The following KCNIP4 variants were observed in gnomAD, a reference collection of about 807,000 sequenced individuals.
KCNIP4 encodes potassium voltage-gated channel interacting protein 4.
A neutral mutation model predicts 34.0 loss-of-function variants in KCNIP4; 12 were observed. The ratio of observed to expected loss-of-function variants is 0.35; its 90% confidence interval spans 0.23 to 0.57. KCNIP4 has a LOEUF of 0.57. Ranked by LOEUF, KCNIP4 falls within the 20% of genes least tolerant of loss-of-function variation. The pLI is 0.83. For missense variants in KCNIP4, 238 were observed against 311.7 expected, an observed-to-expected ratio of 0.76 and a Z score of 1.78; for synonymous variants, 124 against 102.2, an observed-to-expected ratio of 1.21 and a Z score of -1.29.
intron 1 of KCNIP4, among the ~76,000 whole-genome samples, chr4:21,926,652 T>C (rs1468552240): frequency 6.6e-6 from 1 of 152,168 alleles, no homozygotes; most frequent in Admixed American, 6.6e-5. Flanking sequence ...TGTCTTCCTA[T>C]AAGTCGAGCT....
intron 1 of KCNIP4, among the ~76,000 whole-genome samples, chr4:20,897,561 G>T (rs1451747233): frequency 6.6e-6 from 1 of 151,164 alleles, no homozygotes; most frequent in African/African-American, 2.4e-5. Flanking sequence ...CAGTACTTCA[G>T]ATTATATTTG....
intron 1 of KCNIP4, among the ~76,000 whole-genome samples, chr4:21,222,697 T>C (rs973718183): frequency 1.3e-5 from 2 of 152,206 alleles, no homozygotes; most frequent in Admixed American, 1.3e-4. Flanking sequence ...TTTCAATTTG[T>C]AATTTTATCC....
chr4:21,938,889 CT>C (rs1243231166), intron 1 of KCNIP4, among the ~76,000 whole-genome samples: 1 of 152,104 alleles, frequency 6.6e-6, no homozygotes, highest in African/African-American at 2.4e-5. Context: ...TATTCTGAAA[CT>C]TTTACTAGCA....
intron 1 of KCNIP4, among the ~76,000 whole-genome samples, chr4:21,857,459 G>C (rs1724829262): frequency 6.6e-6 from 1 of 152,038 alleles, no homozygotes; most frequent in Admixed American, 6.6e-5. Flanking sequence ...GAGCTGAGAA[G>C]ATGATGGAAT....
chr4:21,330,701 A>G (rs540274145), intron 1 of KCNIP4, among the ~76,000 whole-genome samples: 1 of 152,308 alleles, frequency 6.6e-6, no homozygotes, highest in African/African-American at 2.4e-5. Flanking sequence ...TAAGGAGCTT[A>G]ACTTCCTCTT....
chr4:21,450,354 A>G (rs1728414931), intron 1 of KCNIP4, among the ~76,000 whole-genome samples: 1 of 152,186 alleles, frequency 6.6e-6, no homozygotes. Flanking sequence ...ATTTATGTAA[A>G]GAGAGATGGG....
At chr4:20,939,514 C>T (rs1731418529) in intron 1 of KCNIP4, among the ~76,000 whole-genome samples, 1 of 152,084 alleles carries the variant, frequency 6.6e-6, no homozygotes, top group South Asian at 2.1e-4. Flanking sequence ...TCTGGGATTA[C>T]AGGCATATAC....
chr4:21,180,661 G>C, intron 1 of KCNIP4, among the ~76,000 whole-genome samples: 1 of 148,056 alleles, frequency 6.8e-6, no homozygotes, highest in East Asian at 2.0e-4. Context: ...ATGTTTATAT[G>C]TGTGTGTGTG....
intron 1 of KCNIP4, among the ~76,000 whole-genome samples, chr4:21,669,466 G>A (rs1305021046): frequency 6.6e-6 from 1 of 152,124 alleles, no homozygotes; most frequent in Non-Finnish European, 1.5e-5. Flanking sequence ...TACAATACAT[G>A]TAACATATAA....
chr4:21,519,616 G>A (rs199521771), intron 1 of KCNIP4, among the ~76,000 whole-genome samples: 1 of 114,354 alleles, frequency 8.7e-6, no homozygotes, highest in Admixed American at 8.1e-5. Context: ...ATATGTGTGT[G>A]TATGTATGTG....
chr4:21,853,510 C>A (rs1014139409), intron 1 of KCNIP4, among the ~76,000 whole-genome samples: 1 of 152,064 alleles, frequency 6.6e-6, no homozygotes, highest in Non-Finnish European at 1.5e-5. Flanking sequence ...ATCAGTGTTT[C>A]CATGATCATT....
intron 1 of KCNIP4, among the ~76,000 whole-genome samples, chr4:21,377,621 T>C (rs1258383650): frequency 6.6e-6 from 1 of 152,210 alleles, no homozygotes; most frequent in African/African-American, 2.4e-5. Context: ...AGGCTTAATA[T>C]TGGTACATCA....
intron 3 of KCNIP4, among the ~76,000 whole-genome samples, chr4:20,826,058 A>G (rs1357878490): frequency 2.0e-5 from 3 of 152,140 alleles, no homozygotes; most frequent in African/African-American, 7.2e-5. Context: ...TAGGGGTAGA[A>G]GCCATATTGA....
intron 1 of KCNIP4, among the ~76,000 whole-genome samples, chr4:21,112,984 A>C (rs1749353043): frequency 6.6e-6 from 1 of 152,078 alleles, no homozygotes; most frequent in Admixed American, 6.6e-5. Flanking sequence ...AAGATTGTAA[A>C]CCCTTAGTAG....
chr4:21,399,431 T>C (rs1723280894), intron 1 of KCNIP4, among the ~76,000 whole-genome samples: 2 of 152,192 alleles, frequency 1.3e-5, no homozygotes, highest in Admixed American at 6.5e-5. Context: ...AAGCCAGAGC[T>C]GAGAGATTAA....
intron 1 of KCNIP4, among the ~76,000 whole-genome samples, chr4:21,318,010 A>C (rs1336388833): frequency 6.6e-6 from 1 of 152,218 alleles, no homozygotes; most frequent in Non-Finnish European, 1.5e-5. Context: ...GTGTGAAAAC[A>C]GACTAATACA....
At chr4:20,914,750 T>A (rs966472233) in intron 1 of KCNIP4, among the ~76,000 whole-genome samples, 2 of 152,166 alleles carry the variant, frequency 1.3e-5, no homozygotes, top group African/African-American at 4.8e-5. Flanking sequence ...GGTAATGATA[T>A]CTTTGGCCAA....
intron 3 of KCNIP4, among the ~76,000 whole-genome samples, chr4:20,812,124 G>T (rs1016923248): frequency 6.6e-6 from 1 of 152,206 alleles, no homozygotes; most frequent in African/African-American, 2.4e-5. Context: ...CGTAAAGAAA[G>T]ACAGAGCTAA....
rs1315915595 is a variant in KCNIP4, at chr4:20,888,931, C to G, written c.62-6222G>C. 6.6e-5 allele frequency among the ~76,000 whole-genome samples: 10 copies of G among 152,118 alleles called. No homozygotes were observed. In the East Asian group the frequency reaches 1.9e-3, roughly 29 times the overall value. ...ATGAACCTGTTAAATGCTGTATTTG[C>G]TCCCACAGCTTACTACAGAATGTTA... is the stretch of plus-strand genomic sequence containing the variant. On this transcript the variant is annotated intron_variant, in intron 1 of 8. Transcript: ENST00000382152.
Sources: gnomAD v4.1 joint callset for allele counts (sites outside exome capture counted in the v4.1 genomes callset) on GRCh38, gnomAD v4.1.1 for gene constraint, MANE v1.5 for transcripts, NCBI Gene and HGNC (gene_info 2026-07-23, HGNC 2026-07-21) for gene names.